Variants in PRKN observed in about 807,000 individuals in gnomAD.
PRKN encodes the protein E3 ubiquitin-protein ligase parkin.
In PRKN, 56 loss-of-function variants were observed where a neutral mutation model predicts 59.5. That is an observed-to-expected ratio of 0.94 (90% CI 0.76 to 1.18). The LOEUF (loss-of-function observed/expected upper bound fraction) is 1.18, where lower values mean the gene tolerates loss of function less well. PRKN is among the 50% of genes most tolerant of loss of function. The pLI, the probability that PRKN is intolerant of heterozygous loss-of-function variation, is 0.00. For synonymous variants in PRKN, 250 were observed against 222.1 expected, an observed-to-expected ratio of 1.13 and a Z score of -1.12; for missense variants, 657 against 596.4, an observed-to-expected ratio of 1.10 and a Z score of -1.06.
At chr6:161,867,474 T>G (rs1418648512) in intron 6 of PRKN, among the ~76,000 whole-genome samples, 2 of 152,232 alleles carry the variant, frequency 1.3e-5, no homozygotes, top group African/African-American at 4.8e-5. Flanking sequence ...TGGCCACATT[T>G]AGTCAGAGGG....
chr6:161,553,317 T>C (rs75130892), intron 8 of PRKN, among the ~76,000 whole-genome samples: 9,180 of 152,188 alleles, frequency 0.06, 323 homozygotes, highest in African/African-American at 0.088. Context: ...ATAGGCTTCA[T>C]TTAATTCAGC....
At chr6:162,465,005 C>A (rs924795935) in intron 1 of PRKN, among the ~76,000 whole-genome samples, 4 of 152,072 alleles carry the variant, frequency 2.6e-5, no homozygotes, top group Middle Eastern at 3.2e-3. Flanking sequence ...TCAGGGCAAG[C>A]ATCTATGTAA....
intron 4 of PRKN, among the ~76,000 whole-genome samples, chr6:162,068,716 G>A (rs1778444569): frequency 1.3e-5 from 2 of 152,202 alleles, no homozygotes; most frequent in African/African-American, 2.4e-5. Flanking sequence ...ATATCGTCAG[G>A]GGAAGTCTTA....
intron 6 of PRKN, among the ~76,000 whole-genome samples, chr6:161,832,000 T>C (rs1450528585): frequency 6.6e-6 from 1 of 152,236 alleles, no homozygotes; most frequent in East Asian, 1.9e-4. Context: ...ACTGTCTGGC[T>C]GTCTTGTTTC....
At position 161,454,468 on chromosome 6, in the gene PRKN, G is replaced by C. The variant is rs1001794545; in HGVS notation, c.1084-67591C>G. ...AGGCAGGAGGAACAGCAGTTCATTC[G>C]TGGTCTTGAGTCCAGGTTCCAGGTT... On this transcript the variant is annotated intron_variant, in intron 9 of 11. Coordinates refer to ENST00000366898, the MANE Select transcript of PRKN (RefSeq NM_004562.3). This position sits in a 1 kb window ranked among gnomAD's most constrained non-coding sequence, Gnocchi z 4.6. Among the ~76,000 whole-genome samples the C allele has an allele frequency of 6.6e-6, 1 of 152,132 alleles. No individual in the cohort carries two copies. Among genetic ancestry groups the C allele is most frequent in the Non-Finnish European group, 1.5e-5 (1 of 68,032 alleles).
chr6:162,187,947 T>G (rs1280699212), intron 4 of PRKN, among the ~76,000 whole-genome samples: 3 of 152,118 alleles, frequency 2.0e-5, no homozygotes, highest in African/African-American at 7.2e-5. Context: ...CTCCCACAAT[T>G]CCCACGTCAT....
At chr6:161,954,306 C>G (rs963334141) in intron 6 of PRKN, among the ~76,000 whole-genome samples, 1 of 152,174 alleles carries the variant, frequency 6.6e-6, no homozygotes, top group Non-Finnish European at 1.5e-5. Context: ...ATAATCCTGG[C>G]AAGACTGAGG....
intron 3 of PRKN, among the ~76,000 whole-genome samples, chr6:162,248,811 T>C (rs1008792176): frequency 1.3e-5 from 2 of 152,192 alleles, no homozygotes; most frequent in Non-Finnish European, 2.9e-5. Context: ...TTAATTTTTA[T>C]GGATATATGA....
chr6:162,372,139 T>C (rs957693563), intron 2 of PRKN, among the ~76,000 whole-genome samples: 3 of 152,204 alleles, frequency 2.0e-5, no homozygotes, highest in African/African-American at 7.2e-5. Context: ...CTTTTTGTCC[T>C]TCAGTCTGTT....
intron 1 of PRKN, among the ~76,000 whole-genome samples, chr6:162,500,361 C>T (rs777477417): frequency 1.3e-5 from 2 of 151,910 alleles, no homozygotes; most frequent in East Asian, 1.9e-4. Context: ...TTAGTAGAGA[C>T]GGTGTTTTAC....
intron 7 of PRKN, among the ~76,000 whole-genome samples, chr6:161,589,099 T>C (rs915601354): frequency 6.6e-6 from 1 of 152,248 alleles, no homozygotes; most frequent in African/African-American, 2.4e-5. Flanking sequence ...CAAAAGCTTC[T>C]AATTTCAACA....
chr6:161,417,988 C>G lies in PRKN; in HGVS notation c.1084-31111G>C, dbSNP rs1161221953. ...CACGCTCCCTCCTGGGCCTGGCCCC[C>G]AGGCCTGGCTGACTCCATGGGGGGC... On this transcript the variant is annotated intron_variant, in intron 9 of 11. Transcript: ENST00000366898. The surrounding 1 kb of genome is among the most constrained non-coding windows in gnomAD (Gnocchi z 5.4). Among the ~76,000 whole-genome samples, 1 of 152,190 alleles carries G rather than the reference C, an allele frequency of 6.6e-6. No individual in the cohort carries two copies. Among genetic ancestry groups the G allele is most frequent in the Admixed American group, 6.5e-5 (1 of 15,286 alleles).
intron 9 of PRKN, among the ~76,000 whole-genome samples, chr6:161,485,013 C>G (rs1040591530): frequency 6.6e-6 from 1 of 152,198 alleles, no homozygotes; most frequent in Non-Finnish European, 1.5e-5. Context: ...CCAGTCAGAT[C>G]AGCTCATGTG....
Position 162,121,373 on chromosome 6 carries a change from C to A in PRKN, c.535-67199G>T, listed in dbSNP as rs1023599606. ...ATGCTTCCGAGCATGTGAGGATATA[C>A]CCTCCAAGTTAAAAGGTGAGTTTCT... On this transcript the variant is annotated intron_variant, in intron 4 of 11. Transcript: ENST00000366898. 3.9e-5 allele frequency among the ~76,000 whole-genome samples: 6 copies of A among 152,062 alleles called. No individual in the cohort carries two copies. The East Asian group carries it at 1.2e-3, about 29-fold the overall frequency.
intron 7 of PRKN, among the ~76,000 whole-genome samples, chr6:161,608,997 C>G (rs58795163): frequency 0.03 from 4,536 of 152,234 alleles, 229 homozygotes; most frequent in African/African-American, 0.1. Flanking sequence ...GAATAGCTGT[C>G]AGGAGCTTAG....
chr6:161,735,930 A>T (rs911623957), intron 7 of PRKN, among the ~76,000 whole-genome samples: 1 of 152,154 alleles, frequency 6.6e-6, no homozygotes, highest in African/African-American at 2.4e-5. Context: ...AAACAAAAAA[A>T]AAAGTGAGAC....
intron 1 of PRKN, among the ~76,000 whole-genome samples, chr6:162,513,055 C>T (rs913391149): frequency 2.0e-4 from 30 of 152,104 alleles, no homozygotes; most frequent in African/African-American, 7.0e-4. Context: ...GGCTCACTAA[C>T]CATTGAAGAT....
At chr6:162,471,894 C>T (rs1189695547) in intron 1 of PRKN, among the ~76,000 whole-genome samples, 2 of 152,122 alleles carry the variant, frequency 1.3e-5, no homozygotes, top group Admixed American at 6.5e-5. Flanking sequence ...GAATTGCAGC[C>T]ATCTTTTTGG....
chr6:162,271,118 G>A (rs1177385713), intron 2 of PRKN, among the ~76,000 whole-genome samples: 1 of 141,442 alleles, frequency 7.1e-6, no homozygotes, highest in Non-Finnish European at 1.5e-5. Context: ...CTCCTGCCTT[G>A]GACTCCCAAA....
Sources: gnomAD v4.1 joint callset for allele counts (sites outside exome capture counted in the v4.1 genomes callset) on GRCh38, gnomAD v4.1.1 for gene constraint, Gnocchi (gnomAD v3.1) non-coding constraint, MANE v1.5 for transcripts, NCBI Gene and HGNC (gene_info 2026-07-23, HGNC 2026-07-21) for gene names.